Variants in ALDH1L2 observed in about 807,000 individuals in gnomAD.
ALDH1L2 encodes the protein mitochondrial 10-formyltetrahydrofolate dehydrogenase.
In ALDH1L2, 91 loss-of-function variants were observed where a neutral mutation model predicts 111.0. That is an observed-to-expected ratio of 0.82 (90% CI 0.69 to 0.98). The LOEUF (loss-of-function observed/expected upper bound fraction) is 0.98, where lower values mean the gene tolerates loss of function less well. Ranked by LOEUF, ALDH1L2 falls within the 50% of genes least tolerant of loss-of-function variation. ALDH1L2 has a pLI of 0.00. For missense variants in ALDH1L2, 995 were observed against 1,126.8 expected (o/e 0.88, Z 1.67); for synonymous variants, 374 against 392.6 (o/e 0.95, Z 0.56).
Position 105,061,738 on chromosome 12 carries a change from A to T in ALDH1L2, c.936T>A (p.Asn312Lys). Residue 312 changes from asparagine to lysine, a missense_variant, in exon 8 of 23, where the codon AAT (asparagine) becomes AAA (lysine). Asn to Lys is a moderately conservative substitution (Grantham distance 94). Coordinates refer to ENST00000258494, the MANE Select transcript of ALDH1L2 (RefSeq NM_001034173.4). ...TCATTTTTCCATCTTCAAACTGCAG[A>T]TTTCTCACCGTCAGCTACAAAATAG... ...GNDGKALTVR[N>K]LQFEDGKMIP... 1.2e-6 allele frequency: 2 copies of T among 1,614,160 alleles called. No individual in the cohort carries two copies. The highest frequency in any genetic ancestry group is 1.7e-6 in the Non-Finnish European group (2 of 1,180,032).
intron 13 of ALDH1L2, 86 bp downstream of exon 13, chr12:105,049,822 T>C: frequency 7.0e-7 from 1 of 1,424,282 alleles, no homozygotes; most frequent in Non-Finnish European, 9.3e-7. Flanking sequence ...AAAATCTACA[T>C]AAAAAGAGGA....
rs1874208467 is a variant in ALDH1L2 at position 105,022,410 on chromosome 12, G to A, written c.*2014C>T. On this transcript the variant is annotated 3_prime_UTR_variant, in exon 23 of 23. Transcript: ENST00000258494. Reference sequence around the variant, plus strand: ...GATTCCCAAAGAGTTTTGCAGCCCAGAGAATATTTAAAACACTGCTACTGA... The same window carrying A: ...GATTCCCAAAGAGTTTTGCAGCCCAAAGAATATTTAAAACACTGCTACTGA... 1 of 152,170 alleles carries A rather than the reference G, an allele frequency of 6.6e-6. No homozygotes were observed. The highest frequency in any genetic ancestry group is 2.4e-5 in the African/African-American group (1 of 41,440). The allele number at this position is 152,170 out of a possible 1,614,324, so 9.4% of individuals were successfully genotyped here. A position where few individuals can be genotyped will look rare whatever the true frequency, so the allele number is the denominator to read the frequency against.
rs914154546 is a variant in ALDH1L2, at chr12:105,050,158, A to G, written c.1536-100T>C. On this transcript the variant is annotated intron_variant, in intron 12 of 22. Transcript: ENST00000258494. ...GGACGGAGAATTCAGAGGTAAACAC[A>G]TATGGATCAGATCTCTGCCCTTATA... 2.4e-5 allele frequency: 29 copies of G among 1,205,984 alleles called. No individual in the cohort carries two copies. In the African/African-American group the frequency reaches 4.5e-4, roughly 19 times the overall value. 74.7% of individuals were successfully genotyped at this position (1,205,984 alleles called of 1,614,324 possible).
At chr12:105,035,510 G>T (rs1024106922) in intron 18 of ALDH1L2, among the ~76,000 whole-genome samples, 2 of 151,808 alleles carry the variant, frequency 1.3e-5, no homozygotes, top group Non-Finnish European at 2.9e-5. Context: ...TAGAGACAGG[G>T]TCTTGCCATG....
chr12:105,030,162 G>T (rs932738451), intron 21 of ALDH1L2, 162 bp downstream of exon 21: 2 of 461,258 alleles, frequency 4.3e-6, no homozygotes, highest in Non-Finnish European at 7.2e-6. Flanking sequence ...TATGATCTAC[G>T]ATGGTTAGCA....
intron 1 of ALDH1L2, among the ~76,000 whole-genome samples, chr12:105,077,415 C>T (rs919695963): frequency 6.6e-6 from 1 of 151,774 alleles, no homozygotes; most frequent in Admixed American, 6.6e-5. Flanking sequence ...GGATTACAGG[C>T]GCACGCCGTC....
At chr12:105,068,632 A>C in intron 4 of ALDH1L2, 87 bp downstream of exon 4, 1 of 1,234,054 alleles carries the variant, frequency 8.1e-7, no homozygotes, top group Non-Finnish European at 1.0e-6. Flanking sequence ...TTTGGTGAAA[A>C]TTCATATGGA....
intron 1 of ALDH1L2, among the ~76,000 whole-genome samples, chr12:105,080,901 T>A (rs976027434): frequency 1.3e-5 from 2 of 152,212 alleles, no homozygotes; most frequent in African/African-American, 4.8e-5. Flanking sequence ...TCTGTATTTG[T>A]GGGTTCTGTA....
chr12:105,071,633 TA>T (rs1565972488), intron 2 of ALDH1L2, among the ~76,000 whole-genome samples: 23 of 16,452 alleles, frequency 1.4e-3, no homozygotes, highest in African/African-American at 4.3e-3. Flanking sequence ...TATATATATA[TA>T]TATATATATT....
Position 105,066,616 on chromosome 12 carries a change from T to C in ALDH1L2, c.648A>G (p.Pro216=). The stretch of plus-strand genomic sequence containing the variant: ...TACCTTCATATGTTGCCCCTTCTTC[T>C]GGCTGGGGTATACGAGGAGCTTTTC... ...ADGKAPRIPQ[P]EEGATYEGIQ... is the part of the protein sequence containing the mutation. Residue 216 remains proline, a synonymous_variant, in exon 5 of 23, where the codon CCA becomes CCG. Coordinates refer to ENST00000258494, the MANE Select transcript of ALDH1L2 (RefSeq NM_001034173.4). 6.2e-7 allele frequency: 1 copy of C among 1,614,200 alleles called. No individual in the cohort carries two copies. The highest frequency in any genetic ancestry group is 8.5e-7 in the Non-Finnish European group (1 of 1,180,028).
chr12:105,052,799 A>C lies in ALDH1L2; in HGVS notation c.1407+13T>G. ...TGACCAGTGATCACTACTCACACTAAAGAATTACTCACAGATCCATCTGTT... is the reference window on the plus strand; with the variant it reads ...TGACCAGTGATCACTACTCACACTACAGAATTACTCACAGATCCATCTGTT... On this transcript the variant is annotated intron_variant, in intron 11 of 22. Transcript: ENST00000258494. 6.2e-7 allele frequency: 1 copy of C among 1,614,000 alleles called. No homozygotes were observed. The highest frequency in any genetic ancestry group is 8.5e-7 in the Non-Finnish European group (1 of 1,179,958).
chr12:105,055,524 C>A (rs147582784), intron 10 of ALDH1L2, among the ~76,000 whole-genome samples: 1 of 151,930 alleles, frequency 6.6e-6, no homozygotes, highest in African/African-American at 2.4e-5. Context: ...GATTACAAGA[C>A]GTGCAGAGAA....
In ALDH1L2 at chr12:105,036,455, A is replaced by G. The variant is rs1412385790; in HGVS notation, c.2145+1648T>C. On this transcript the variant is annotated intron_variant, in intron 18 of 22. Coordinates refer to ENST00000258494, the MANE Select transcript of ALDH1L2 (RefSeq NM_001034173.4). The stretch of plus-strand genomic sequence containing the variant: ...GTATATATTATATATATCCATATAT[A>G]TGTGTGTGTGTATATACACACACAT... Among the ~76,000 whole-genome samples, 7 of 111,586 alleles carry G rather than the reference A, an allele frequency of 6.3e-5. 1 individual carries two copies. Among genetic ancestry groups the G allele is most frequent in the Non-Finnish European group, 1.3e-4 (7 of 55,248 alleles). The allele number at this position is 111,586 out of a possible 152,430, so 73.2% of individuals were successfully genotyped here. A position where few individuals can be genotyped will look rare whatever the true frequency, so the allele number is the denominator to read the frequency against.
chr12:105,056,551 A>G (rs1876641189), intron 10 of ALDH1L2, among the ~76,000 whole-genome samples: 1 of 152,112 alleles, frequency 6.6e-6, no homozygotes, highest in African/African-American at 2.4e-5. Flanking sequence ...CATTAAAAAT[A>G]CAACTTCATA....
rs1874227292 is a variant in ALDH1L2 at position 105,022,906 on chromosome 12, A to G, written c.*1518T>C. 1 of 152,206 alleles carries G rather than the reference A, an allele frequency of 6.6e-6. No homozygotes were observed. Among genetic ancestry groups the G allele is most frequent in the Admixed American group, 6.5e-5 (1 of 15,280 alleles). 9.4% of individuals were successfully genotyped at this position (152,206 alleles called of 1,614,324 possible). On this transcript the variant is annotated 3_prime_UTR_variant, in exon 23 of 23. Coordinates refer to ENST00000258494, the MANE Select transcript of ALDH1L2 (RefSeq NM_001034173.4). ...CTTCTTCAAAGCCAAAGAAAAAGGA[A>G]TGTTTACTGAAATTTTATTTTTAAA...
intron 1 of ALDH1L2, among the ~76,000 whole-genome samples, chr12:105,082,036 A>C (rs973147490): frequency 6.6e-6 from 1 of 152,186 alleles, no homozygotes; most frequent in Non-Finnish European, 1.5e-5. Context: ...TCTACTAAAA[A>C]TACAAAAATT....
rs918860112 is a variant in ALDH1L2 at position 105,052,175 on chromosome 12, T to C, written c.1450A>G (p.Lys484Glu). 1.2e-6 allele frequency: 2 copies of C among 1,611,210 alleles called. No homozygotes were observed. Among genetic ancestry groups the C allele is most frequent in the Non-Finnish European group, 1.7e-6 (2 of 1,178,568 alleles). Residue 484 changes from lysine (K) to glutamate (E), a missense_variant, in exon 12 of 23, where the codon AAA (lysine) becomes GAA (glutamate). Lys to Glu is a moderately conservative substitution (Grantham distance 56). Coordinates refer to ENST00000258494, the MANE Select transcript of ALDH1L2 (RefSeq NM_001034173.4). ...GCATCTTTTGCTGCTGCTACTGCTTTATCAACATCCGCCAAAGAAGCGTAG... is the reference window on the plus strand; with the variant it reads ...GCATCTTTTGCTGCTGCTACTGCTTCATCAACATCCGCCAAAGAAGCGTAG... The part of the protein sequence containing the change: ...VSYASLADVD[K>E]AVAAAKDAFE...
At chr12:105,064,050 A>G (rs1877184703) in intron 6 of ALDH1L2, among the ~76,000 whole-genome samples, 1 of 138,166 alleles carries the variant, frequency 7.2e-6, no homozygotes, top group South Asian at 2.4e-4. Context: ...TCCCGGGTTC[A>G]AATGATTCTC....
At chr12:105,057,959 G>T in intron 10 of ALDH1L2, 114 bp downstream of exon 10, 1 of 1,243,860 alleles carries the variant, frequency 8.0e-7, no homozygotes, top group Non-Finnish European at 1.1e-6. Flanking sequence ...TCTCAGTAAA[G>T]CTGTTGTTTT....
Sources: allele counts gnomAD v4.1 joint callset (sites outside exome capture counted in the v4.1 genomes callset), GRCh38; gene constraint gnomAD v4.1.1; transcripts MANE v1.5; gene names NCBI Gene and HGNC (gene_info 2026-07-23, HGNC 2026-07-21).